ALDOC: variants seen among roughly 807,000 people sequenced by gnomAD.
ALDOC encodes the protein aldolase, fructose-bisphosphate C.
In ALDOC, 23 loss-of-function variants were observed where a neutral mutation model predicts 39.5. That is an observed-to-expected ratio of 0.58 (90% CI 0.42 to 0.82). The LOEUF is 0.82. ALDOC is among the 40% of genes least tolerant of loss of function. The pLI, the probability that ALDOC is intolerant of heterozygous loss-of-function variation, is 0.00. For synonymous variants in ALDOC, 160 were observed against 182.6 expected, an observed-to-expected ratio of 0.88 and a Z score of 1.00; for missense variants, 356 against 479.1, an observed-to-expected ratio of 0.74 and a Z score of 2.40.
At position 28,575,105 on chromosome 17, in the gene ALDOC, C is replaced by T. The variant is rs1243201166; in HGVS notation, c.324+18G>A. The stretch of plus-strand genomic sequence containing the variant: ...TTTCACACCCAGCTTCCATTCAGAG[C>T]AGGGCCAGGGGCTGCACCTTGATGC... On this transcript the variant is annotated intron_variant, in intron 3 of 8. Transcript: ENST00000226253. The surrounding 1 kb of genome is among the most constrained non-coding windows in gnomAD (Gnocchi z 4.3). 6.2e-7 allele frequency: 1 copy of T among 1,614,174 alleles called. No homozygotes were observed. Among genetic ancestry groups the T allele is most frequent in the Admixed American group, 1.7e-5 (1 of 60,034 alleles).
Position 28,575,803 on chromosome 17 carries a change from C to T in ALDOC, c.-12-259G>A. On this transcript the variant is annotated intron_variant, in intron 1 of 8. Transcript: ENST00000226253. This position sits in a 1 kb window ranked among gnomAD's most constrained non-coding sequence, Gnocchi z 4.3. ...TGCAGGGTGGGGGTGGGGAGGTGAG[C>T]AGCCCTGAAGCCACAGCTCTTCTGA... 1.7e-6 allele frequency: 1 copy of T among 589,234 alleles called. No homozygotes were observed. The highest frequency in any genetic ancestry group is 2.7e-6 in the Non-Finnish European group (1 of 366,248). 36.5% of individuals were successfully genotyped at this position (589,234 alleles called of 1,614,324 possible).
chr17:28,575,236 T>C lies in ALDOC; in HGVS notation c.211A>G (p.Lys71Glu), dbSNP rs1329785447. Reference protein sequence around the residue: ...QVLFSADDRVKKCIGGVIFFH... With the variant: ...QVLFSADDRVEKCIGGVIFFH... ...AAAATGACGCCTCCAATGCACTTTT[T>C]CACACGGTCATCAGCACTGAACAGG... The change falls in exon 3 of 9, where the codon AAA becomes GAA. Residue 71 changes from lysine to glutamate, a missense_variant. Lys to Glu is a moderately conservative substitution (Grantham distance 56). Transcript: ENST00000226253. The surrounding 1 kb of genome is among the most constrained non-coding windows in gnomAD (Gnocchi z 4.3). 6.2e-7 allele frequency: 1 copy of C among 1,614,168 alleles called. No homozygotes were observed. Among genetic ancestry groups the C allele is most frequent in the Non-Finnish European group, 8.5e-7 (1 of 1,180,048 alleles).
chr17:28,575,607 G>A lies in ALDOC; in HGVS notation c.-12-63C>T. ...CTCTGCTGCCTCTCCTGGCCAGATG[G>A]GCCAAATGGCCTCCCCATCAAGCAA... On this transcript the variant is annotated intron_variant, in intron 1 of 8. Transcript: ENST00000226253. This position sits in a 1 kb window ranked among gnomAD's most constrained non-coding sequence, Gnocchi z 4.3. 3 of 1,545,216 alleles carry A rather than the reference G, an allele frequency of 1.9e-6. No homozygotes were observed. The highest frequency in any genetic ancestry group is 1.2e-5 in the South Asian group (1 of 84,370).
At position 28,573,470 on chromosome 17, in the gene ALDOC, A is replaced by C. The variant is rs2070451083; in HGVS notation, c.*56T>G. 2 of 1,557,410 alleles carry C rather than the reference A, an allele frequency of 1.3e-6. No homozygotes were observed. Among genetic ancestry groups the C allele is most frequent in the African/African-American group, 2.7e-5 (2 of 73,814 alleles). Reference sequence around the variant, plus strand: ...TAGCTATTTGGCCCTGGCCATGACTACAAGCAAAAGTGGGTGCAGATGGCT... The same window carrying C: ...TAGCTATTTGGCCCTGGCCATGACTCCAAGCAAAAGTGGGTGCAGATGGCT... On this transcript the variant is annotated 3_prime_UTR_variant, in exon 9 of 9. Transcript: ENST00000226253. This position sits in a 1 kb window ranked among gnomAD's most constrained non-coding sequence, Gnocchi z 4.3.
chr17:28,573,603 G>A lies in ALDOC; in HGVS notation c.1018C>T (p.Gln340Ter). 6.2e-7 allele frequency: 1 copy of A among 1,614,216 alleles called. No individual in the cohort carries two copies. The change falls in exon 9 of 9, where the codon CAG becomes TAG. Residue 340 changes from glutamine (Q) to a stop codon, truncating the protein, a stop_gained. Transcript: ENST00000226253. LOFTEE classifies it high-confidence loss of function. This position sits in a 1 kb window ranked among gnomAD's most constrained non-coding sequence, Gnocchi z 4.3. ...KRAEVNGLAA[Q>*]GKYEGSGEDG... ...TCTCCACTGCCTTCATACTTGCCCT[G>A]GGCTGCAAGCCCATTCACCTGCAAA...
Position 28,573,594 on chromosome 17 carries a change from A to G in ALDOC, c.1027T>C (p.Tyr343His), listed in dbSNP as rs2070452317. The change falls in exon 9 of 9, where the codon TAT becomes CAT. Residue 343 changes from tyrosine to histidine, a missense_variant. Transcript: ENST00000226253. The surrounding 1 kb of genome is among the most constrained non-coding windows in gnomAD (Gnocchi z 4.3). Reference sequence around the variant, plus strand: ...CCACCATCTTCTCCACTGCCTTCATACTTGCCCTGGGCTGCAAGCCCATTC... The same window carrying G: ...CCACCATCTTCTCCACTGCCTTCATGCTTGCCCTGGGCTGCAAGCCCATTC... ...EVNGLAAQGK[Y>H]EGSGEDGGAA... The G allele has an allele frequency of 6.2e-7, 1 of 1,614,118 alleles. No homozygotes were observed. Among genetic ancestry groups the G allele is most frequent in the Admixed American group, 1.7e-5 (1 of 60,012 alleles).
At position 28,573,666 on chromosome 17, in the gene ALDOC, G is replaced by A. The variant is rs775952908; in HGVS notation, c.1000-45C>T. On this transcript the variant is annotated intron_variant, in intron 8 of 8. Coordinates refer to ENST00000226253, the MANE Select transcript of ALDOC (RefSeq NM_005165.3). This position sits in a 1 kb window ranked among gnomAD's most constrained non-coding sequence, Gnocchi z 4.3. ...GTAAGCAGGCTGAGCCAGCCCACAG[G>A]TGCCAAGCCCTGCCCAGGCTATAGC... The A allele has an allele frequency of 1.2e-5, 20 of 1,613,734 alleles. No homozygotes were observed. The highest frequency in any genetic ancestry group is 1.4e-5 in the Non-Finnish European group (16 of 1,179,794).
chr17:28,575,490 C>T lies in ALDOC; in HGVS notation c.43G>A (p.Glu15Lys), dbSNP rs534500293. 1 of 1,614,196 alleles carries T rather than the reference C, an allele frequency of 6.2e-7. No individual in the cohort carries two copies. The highest frequency in any genetic ancestry group is 1.3e-5 in the African/African-American group (1 of 75,054). Residue 15 changes from glutamate to lysine, a missense_variant, in exon 2 of 9, where the codon GAG (glutamate) becomes AAG (lysine). Physicochemically the swap from Glu to Lys is moderately conservative, Grantham distance 56. Transcript: ENST00000226253. The surrounding 1 kb of genome is among the most constrained non-coding windows in gnomAD (Gnocchi z 4.3). ...YPALSAEQKK[E>K]LSDIALRIVA... ...ATCCGCAGGGCAATGTCAGACAACTCCTTCTTCTGCTCAGCAGAAAGGGCT... is the reference window on the plus strand; with the variant it reads ...ATCCGCAGGGCAATGTCAGACAACTTCTTCTTCTGCTCAGCAGAAAGGGCT...
rs2151516857 is a variant in ALDOC at position 28,574,765 on chromosome 17, A to G, written c.471T>C (p.Arg157=). Residue 157 remains arginine, a synonymous_variant, in exon 5 of 9, where the codon CGT becomes CGC. Transcript: ENST00000226253. ...KWRCVLKISE[R]TPSALAILEN... Reference sequence around the variant, plus strand: ...CCAGAATGGCAAGTGCAGAGGGTGTACGCTCACTGATTTTCAGCACACAGC... The same window carrying G: ...CCAGAATGGCAAGTGCAGAGGGTGTGCGCTCACTGATTTTCAGCACACAGC... 2 of 1,614,204 alleles carry G rather than the reference A, an allele frequency of 1.2e-6. No homozygotes were observed. Among genetic ancestry groups the G allele is most frequent in the Non-Finnish European group, 1.7e-6 (2 of 1,180,032 alleles).
rs780705348 is a variant in ALDOC, at chr17:28,575,268, C to A, written c.179G>T (p.Arg60Leu). The change falls in exon 3 of 9, where the codon CGC becomes CTC. Residue 60 changes from arginine (R) to leucine (L), a missense_variant. Physicochemically the swap from Arg to Leu is moderately radical, Grantham distance 102 (BLOSUM62 -2). Coordinates refer to ENST00000226253, the MANE Select transcript of ALDOC (RefSeq NM_005165.3). The surrounding 1 kb of genome is among the most constrained non-coding windows in gnomAD (Gnocchi z 4.3). ...GTCATCAGCACTGAACAGGACCTGG[C>A]GGTACAGCCGGCGGTTCTCCTCTGT... Reference protein sequence around the residue: ...ENTEENRRLYRQVLFSADDRV... With the variant: ...ENTEENRRLYLQVLFSADDRV... 8 of 1,614,038 alleles carry A rather than the reference C, an allele frequency of 5.0e-6. No homozygotes were observed. Among genetic ancestry groups the A allele is most frequent in the Non-Finnish European group, 5.9e-6 (7 of 1,180,034 alleles).
rs1236275520 is a variant in ALDOC, at chr17:28,575,536, G to C, written c.-4C>G. ...GGGCTGGGTACGAGTGAGGCATGGTGACAGCTCCCTGGAGTGGAGACAAGA... is the reference window on the plus strand; with the variant it reads ...GGGCTGGGTACGAGTGAGGCATGGTCACAGCTCCCTGGAGTGGAGACAAGA... On this transcript the variant is annotated 5_prime_UTR_variant, in exon 2 of 9. Transcript: ENST00000226253. The surrounding 1 kb of genome is among the most constrained non-coding windows in gnomAD (Gnocchi z 4.3). The C allele has an allele frequency of 6.2e-7, 1 of 1,613,942 alleles. No homozygotes were observed. The highest frequency in any genetic ancestry group is 8.5e-7 in the Non-Finnish European group (1 of 1,179,980).
At position 28,573,450 on chromosome 17, in the gene ALDOC, A is replaced by C. The variant is rs781332816; in HGVS notation, c.*76T>G. The C allele has an allele frequency of 9.6e-5, 128 of 1,335,066 alleles. No homozygotes were observed. Among genetic ancestry groups the C allele is most frequent in the Non-Finnish European group, 1.3e-4 (119 of 926,332 alleles). 82.7% of individuals were successfully genotyped at this position (1,335,066 alleles called of 1,614,324 possible). The stretch of plus-strand genomic sequence containing the variant: ...GAAGGCATCTCTGCTCTGCATAGCT[A>C]TTTGGCCCTGGCCATGACTACAAGC... On this transcript the variant is annotated 3_prime_UTR_variant, in exon 9 of 9. Transcript: ENST00000226253. The surrounding 1 kb of genome is among the most constrained non-coding windows in gnomAD (Gnocchi z 4.3).
rs1340843857 is a variant in ALDOC, at chr17:28,573,901, T to G, written c.833A>C (p.Glu278Ala). ...GGCATTGAGGTTGAATGATGCCTCT[T>G]CTTCGCTCTGACCCCCAGACAGGAA... is the stretch of plus-strand genomic sequence containing the variant. ...VTFLSGGQSEEEASFNLNAIN... is the reference protein window; with the variant it reads ...VTFLSGGQSEAEASFNLNAIN... The change falls in exon 8 of 9, where the codon GAA becomes GCA. Residue 278 changes from glutamate (E) to alanine (A), a missense_variant. By Grantham distance (107) the Glu-to-Ala change is moderately radical (BLOSUM62 -1). Coordinates refer to ENST00000226253, the MANE Select transcript of ALDOC (RefSeq NM_005165.3). This position sits in a 1 kb window ranked among gnomAD's most constrained non-coding sequence, Gnocchi z 4.3. The G allele has an allele frequency of 6.2e-7, 1 of 1,614,056 alleles. No homozygotes were observed. The highest frequency in any genetic ancestry group is 8.5e-7 in the Non-Finnish European group (1 of 1,180,046).
chr17:28,574,507 T>C lies in ALDOC; in HGVS notation c.611A>G (p.Tyr204Cys), dbSNP rs1162322727. The part of the protein sequence containing the change: ...DGDHDLKRCQ[Y>C]VTEKVLAAVY... Reference sequence around the variant, plus strand: ...GTGTGGACTCACCTTCTCTGTAACATACTGACAACGTTTGAGGTCGTGGTC... The same window carrying C: ...GTGTGGACTCACCTTCTCTGTAACACACTGACAACGTTTGAGGTCGTGGTC... The change falls in exon 6 of 9, where the codon TAT (tyrosine) becomes TGT (cysteine). Residue 204 changes from tyrosine to cysteine, a missense_variant. Coordinates refer to ENST00000226253, the MANE Select transcript of ALDOC (RefSeq NM_005165.3). 7 of 1,613,998 alleles carry C rather than the reference T, an allele frequency of 4.3e-6. No individual in the cohort carries two copies. Among genetic ancestry groups the C allele is most frequent in the African/African-American group, 1.3e-5 (1 of 74,900 alleles).
In ALDOC at chr17:28,574,773, T is replaced by A; in HGVS notation, c.463A>T (p.Ser155Cys). 6.2e-7 allele frequency: 1 copy of A among 1,614,222 alleles called. No individual in the cohort carries two copies. The highest frequency in any genetic ancestry group is 8.5e-7 in the Non-Finnish European group (1 of 1,180,034). The change falls in exon 5 of 9, where the codon AGT (serine) becomes TGT (cysteine). Residue 155 changes from serine to cysteine, a missense_variant. Transcript: ENST00000226253. ...FAKWRCVLKI[S>C]ERTPSALAIL... ...GCAAGTGCAGAGGGTGTACGCTCAC[T>A]GATTTTCAGCACACAGCGCCACTTG... is the stretch of plus-strand genomic sequence containing the variant.
rs2070463041 is a variant in ALDOC, at chr17:28,574,492, A to G, written c.624+2T>C. 5.6e-6 allele frequency: 9 copies of G among 1,613,858 alleles called. No individual in the cohort carries two copies. Among genetic ancestry groups the G allele is most frequent in the Non-Finnish European group, 7.6e-6 (9 of 1,179,950 alleles). Reference sequence around the variant, plus strand: ...TGTTTGTGTGCCCAGGTGTGGACTCACCTTCTCTGTAACATACTGACAACG... The same window carrying G: ...TGTTTGTGTGCCCAGGTGTGGACTCGCCTTCTCTGTAACATACTGACAACG... On this transcript the variant is annotated splice_donor_variant, in intron 6 of 8. Coordinates refer to ENST00000226253, the MANE Select transcript of ALDOC (RefSeq NM_005165.3). LOFTEE classifies it high-confidence loss of function.
chr17:28,575,678 C>G lies in ALDOC; in HGVS notation c.-12-134G>C. On this transcript the variant is annotated intron_variant, in intron 1 of 8. Coordinates refer to ENST00000226253, the MANE Select transcript of ALDOC (RefSeq NM_005165.3). This position sits in a 1 kb window ranked among gnomAD's most constrained non-coding sequence, Gnocchi z 4.3. ...AGTCCTTGGCATGAGTCCTGGGCAT[C>G]AAGTGGCACCAGTCCTTCTGACAGC... 9.1e-7 allele frequency: 1 copy of G among 1,094,632 alleles called. No individual in the cohort carries two copies. The highest frequency in any genetic ancestry group is 1.3e-6 in the Non-Finnish European group (1 of 787,382). 67.8% of individuals were successfully genotyped at this position (1,094,632 alleles called of 1,614,324 possible). A position where few individuals can be genotyped will look rare whatever the true frequency, so the allele number is the denominator to read the frequency against.
chr17:28,574,648 C>G, intron 5 of ALDOC, 48 bp downstream of exon 5: 1 of 1,613,812 alleles, frequency 6.2e-7, no homozygotes, highest in Non-Finnish European at 8.5e-7. Flanking sequence ...ACTCTCTCCC[C>G]ACCAGGCATA....
Position 28,573,767 on chromosome 17 carries a change from C to A in ALDOC, c.967G>T (p.Ala323Ser), listed in dbSNP as rs767734347. Reference sequence around the variant, plus strand: ...CGCTTGATGAACTCCTCAGTGGCAGCCCCAGCATTGTCCCGTTGCCCTCGC... The same window carrying A: ...CGCTTGATGAACTCCTCAGTGGCAGACCCAGCATTGTCCCGTTGCCCTCGC... ...AWRGQRDNAG[A>S]ATEEFIKRAE... The change falls in exon 8 of 9, where the codon GCT becomes TCT. Residue 323 changes from alanine (A) to serine (S), a missense_variant. Ala to Ser is a moderately conservative substitution (Grantham distance 99, BLOSUM62 1). Coordinates refer to ENST00000226253, the MANE Select transcript of ALDOC (RefSeq NM_005165.3). This position sits in a 1 kb window ranked among gnomAD's most constrained non-coding sequence, Gnocchi z 4.3. 6.2e-7 allele frequency: 1 copy of A among 1,613,922 alleles called. No individual in the cohort carries two copies. Among genetic ancestry groups the A allele is most frequent in the Non-Finnish European group, 8.5e-7 (1 of 1,180,036 alleles).
Sources: allele counts gnomAD v4.1 joint callset, GRCh38; gene constraint gnomAD v4.1.1; non-coding constraint Gnocchi (gnomAD v3.1); transcripts MANE v1.5; gene names NCBI Gene and HGNC (gene_info 2026-07-23, HGNC 2026-07-21).